Variants in TRHR observed in about 807,000 individuals in gnomAD.
TRHR encodes thyrotropin-releasing hormone receptor.
Under a neutral mutation model 28.0 loss-of-function variants are expected in TRHR, and 14 were observed. The ratio of observed to expected loss-of-function variants is 0.50; its 90% CI spans 0.33 to 0.78. The LOEUF is 0.78. TRHR is among the 30% of genes least tolerant of loss of function. The pLI is 0.02. For synonymous variants in TRHR, 176 were observed against 171.9 expected, an observed-to-expected ratio of 1.02 and a Z score of -0.18; for missense variants, 438 against 469.5, an observed-to-expected ratio of 0.93 and a Z score of 0.62.
chr8:109,088,867 C>T (rs1327100016), intron 2 of TRHR, among the ~76,000 whole-genome samples: 1 of 152,176 alleles, frequency 6.6e-6, no homozygotes, highest in African/African-American at 2.4e-5. Flanking sequence ...CAGCTCCCTA[C>T]ACAGTGTCCC....
At chr8:109,090,987 A>C in intron 2 of TRHR, among the ~76,000 whole-genome samples, 1 of 152,242 alleles carries the variant, frequency 6.6e-6, no homozygotes, top group East Asian at 1.9e-4. Flanking sequence ...ACAATCAGGC[A>C]AAGAAAGGAA....
chr8:109,118,096 T>C (rs546748523), intron 2 of TRHR, among the ~76,000 whole-genome samples: 16 of 152,010 alleles, frequency 1.1e-4, no homozygotes, highest in African/African-American at 3.9e-4. Flanking sequence ...TCACTTCCCT[T>C]TAACCTGAAA....
At chr8:109,089,071 C>T (rs1173909358) in intron 2 of TRHR, among the ~76,000 whole-genome samples, 1 of 152,054 alleles carries the variant, frequency 6.6e-6, no homozygotes, top group African/African-American at 2.4e-5. Flanking sequence ...AGTGGTTTTA[C>T]TAGTGAACCA....
chr8:109,094,998 C>T (rs1811567817), intron 2 of TRHR, among the ~76,000 whole-genome samples: 1 of 151,522 alleles, frequency 6.6e-6, no homozygotes, highest in African/African-American at 2.4e-5. Flanking sequence ...TCTTAGTCTC[C>T]TTTAGGTTTT....
At chr8:109,106,943 A>G (rs1811759752) in intron 2 of TRHR, among the ~76,000 whole-genome samples, 1 of 152,202 alleles carries the variant, frequency 6.6e-6, no homozygotes, top group African/African-American at 2.4e-5. Context: ...AAGTAAGCCA[A>G]TGAAGGAACA....
At position 109,119,443 on chromosome 8, in the gene TRHR, T is replaced by C; in HGVS notation, c.1185T>C (p.Phe395=). Residue 395 remains phenylalanine (F), a synonymous_variant, in exon 3 of 3, where the codon TTT becomes TTC. Coordinates refer to ENST00000518632, the MANE Select transcript of TRHR (RefSeq NM_003301.7). The part of the protein sequence containing the change: ...DDTCLASEVS[F]SQS ...CCTGCTTGGCTTCTGAGGTATCCTT[T>C]AGCCAAAGTTGATTCATGAATTAGA... The C allele has an allele frequency of 1.2e-6, 2 of 1,612,026 alleles. No individual in the cohort carries two copies. Among genetic ancestry groups the C allele is most frequent in the Non-Finnish European group, 1.7e-6 (2 of 1,178,912 alleles).
At chr8:109,105,653 T>A (rs1811739175) in intron 2 of TRHR, among the ~76,000 whole-genome samples, 1 of 152,066 alleles carries the variant, frequency 6.6e-6, no homozygotes, top group Non-Finnish European at 1.5e-5. Flanking sequence ...AATAATGAAA[T>A]GCTGAAATGA....
intron 2 of TRHR, among the ~76,000 whole-genome samples, chr8:109,099,866 G>A (rs1811649678): frequency 1.3e-5 from 2 of 152,126 alleles, no homozygotes; most frequent in African/African-American, 2.4e-5. Context: ...GGCCTTTGTT[G>A]TTTGAGTTTT....
rs1441174428 is a variant in TRHR, at chr8:109,118,994, T to C, written c.790-54T>C. On this transcript the variant is annotated intron_variant, in intron 2 of 2. Transcript: ENST00000518632. ...GGTTTGGGTGAGAGAAGAAAGGGGG[T>C]TTTGTTTTGTTTTCATTTGTGTTTG... 38 of 1,606,712 alleles carry C rather than the reference T, an allele frequency of 2.4e-5. No individual in the cohort carries two copies. The East Asian group carries it at 8.5e-4, about 36-fold the overall frequency.
At chr8:109,118,851 G>C (rs2129941233) in intron 2 of TRHR, among the ~76,000 whole-genome samples, 197 bp from the exon 3 acceptor site, 1 of 151,888 alleles carries the variant, frequency 6.6e-6, no homozygotes, top group South Asian at 2.1e-4. Flanking sequence ...TCCTACTTTG[G>C]CTTTTCCTTG....
intron 2 of TRHR, among the ~76,000 whole-genome samples, chr8:109,100,228 C>T (rs141450486): frequency 7.9e-5 from 12 of 151,964 alleles, no homozygotes; most frequent in African/African-American, 2.9e-4. Flanking sequence ...TTCTGTTTTA[C>T]CAGGAAAAAT....
In TRHR at chr8:109,090,972, T is replaced by A. The variant is rs993752828; in HGVS notation, c.789+2671T>A. Among the ~76,000 whole-genome samples, 3 of 148,988 alleles carry A rather than the reference T, an allele frequency of 2.0e-5. No individual in the cohort carries two copies. In the East Asian group the frequency reaches 5.8e-4, roughly 29 times the overall value. ...GAGAGACAGAGAAGGCTGTGGAGGATCCAGACAATCAGGCAAAGAAAGGAA... is the reference window on the plus strand; with the variant it reads ...GAGAGACAGAGAAGGCTGTGGAGGAACCAGACAATCAGGCAAAGAAAGGAA... On this transcript the variant is annotated intron_variant, in intron 2 of 2. Coordinates refer to ENST00000518632, the MANE Select transcript of TRHR (RefSeq NM_003301.7).
intron 2 of TRHR, among the ~76,000 whole-genome samples, chr8:109,093,297 C>T (rs1811541306): frequency 6.6e-6 from 1 of 151,330 alleles, no homozygotes; most frequent in African/African-American, 2.4e-5. Flanking sequence ...CTCAGTCATA[C>T]AATGCTCATG....
rs921573188 is a variant in TRHR at position 109,086,837 on chromosome 8, T to C, written c.-135T>C. The C allele has an allele frequency of 6.5e-6, 1 of 152,750 alleles. No homozygotes were observed. 9.5% of individuals were successfully genotyped at this position (152,750 alleles called of 1,614,324 possible). A position where few individuals can be genotyped will look rare whatever the true frequency, so the allele number is the denominator to read the frequency against. On this transcript the variant is annotated 5_prime_UTR_variant, in exon 1 of 3. Coordinates refer to ENST00000518632, the MANE Select transcript of TRHR (RefSeq NM_003301.7). ...TGCAAGATTAGAAACTTGGAACTATTACCACTTCATCTACCCAGAAAATCA... is the reference window on the plus strand; with the variant it reads ...TGCAAGATTAGAAACTTGGAACTATCACCACTTCATCTACCCAGAAAATCA...
At chr8:109,098,882 G>T (rs1811635811) in intron 2 of TRHR, among the ~76,000 whole-genome samples, 1 of 152,066 alleles carries the variant, frequency 6.6e-6, no homozygotes, top group Non-Finnish European at 1.5e-5. Context: ...TCATCTGTAT[G>T]GTTCACCATT....
chr8:109,108,403 G>A (rs1461516599), intron 2 of TRHR, among the ~76,000 whole-genome samples: 1 of 152,134 alleles, frequency 6.6e-6, no homozygotes, highest in East Asian at 1.9e-4. Flanking sequence ...AGCCAGAGAA[G>A]CACAAGGGAG....
At chr8:109,093,299 A>G (rs1811541336) in intron 2 of TRHR, among the ~76,000 whole-genome samples, 1 of 151,532 alleles carries the variant, frequency 6.6e-6, no homozygotes, top group South Asian at 2.1e-4. Context: ...CAGTCATACA[A>G]TGCTCATGGA....
At chr8:109,116,007 A>T (rs1382160009) in intron 2 of TRHR, among the ~76,000 whole-genome samples, 1 of 152,154 alleles carries the variant, frequency 6.6e-6, no homozygotes, top group Non-Finnish European at 1.5e-5. Flanking sequence ...AGTTTTTAGC[A>T]TGAAGGGCTG....
chr8:109,097,928 C>A (rs192215784), intron 2 of TRHR, among the ~76,000 whole-genome samples: 1 of 152,224 alleles, frequency 6.6e-6, no homozygotes, highest in East Asian at 1.9e-4. Context: ...TCCTTAAATT[C>A]CTATTTCAAA....
Sources: gnomAD v4.1 joint callset for allele counts (sites outside exome capture counted in the v4.1 genomes callset) on GRCh38, gnomAD v4.1.1 for gene constraint, MANE v1.5 for transcripts, NCBI Gene and HGNC (gene_info 2026-07-23, HGNC 2026-07-21) for gene names.